Variants in FER observed in about 807,000 individuals in gnomAD.
The protein encoded by FER is tyrosine-protein kinase Fer.
FER carries 63 observed loss-of-function variants against 111.0 expected under a neutral mutation model. That is an observed-to-expected ratio of 0.57 (90% CI 0.46 to 0.70). The LOEUF is 0.70. Ranked by LOEUF, FER falls within the 30% of genes least tolerant of loss-of-function variation. The pLI is 0.00. For missense variants in FER, 914 were observed against 954.0 expected (o/e 0.96, Z 0.55); for synonymous variants, 327 against 313.9 (o/e 1.04, Z -0.44).
At chr5:108,771,030 G>A (rs1401871268) in intron 2 of FER, among the ~76,000 whole-genome samples, 1 of 151,174 alleles carries the variant, frequency 6.6e-6, no homozygotes, top group African/African-American at 2.4e-5. Context: ...TCTGCCTCCC[G>A]GGTTCAAGCA....
intron 10 of FER, among the ~76,000 whole-genome samples, chr5:108,908,722 A>G (rs1212247316): frequency 1.5e-5 from 2 of 134,814 alleles, no homozygotes; most frequent in Non-Finnish European, 3.0e-5. Flanking sequence ...CTCCGTCTCA[A>G]AAAAAAAAAA....
In FER at chr5:109,117,599, A is replaced by C. The variant is rs191026843; in HGVS notation, c.2048+17080A>C. Reference sequence around the variant, plus strand: ...ATTGAATCTATAAATTACCTTGGACAGTATGGCCATTTTCACGATATTGAT... The same window carrying C: ...ATTGAATCTATAAATTACCTTGGACCGTATGGCCATTTTCACGATATTGAT... On this transcript the variant is annotated intron_variant, in intron 17 of 19. Transcript: ENST00000281092. 2.5e-4 allele frequency among the ~76,000 whole-genome samples: 38 copies of C among 152,248 alleles called. 1 individual carries two copies. In the East Asian group the frequency reaches 5.6e-3, roughly 22 times the overall value.
intron 2 of FER, among the ~76,000 whole-genome samples, chr5:108,789,368 T>C (rs1351927374): frequency 6.6e-6 from 1 of 152,014 alleles, no homozygotes; most frequent in East Asian, 1.9e-4. Flanking sequence ...TTTAACTGTA[T>C]CTCATACTCA....
chr5:109,036,624 C>G (rs1405159396), intron 13 of FER, among the ~76,000 whole-genome samples: 1 of 151,928 alleles, frequency 6.6e-6, no homozygotes, highest in Admixed American at 6.6e-5. Context: ...CTTCCTACTC[C>G]CCTCCTTTTT....
chr5:109,142,130 G>C (rs1753589002), intron 17 of FER, among the ~76,000 whole-genome samples: 1 of 152,128 alleles, frequency 6.6e-6, no homozygotes, highest in Admixed American at 6.6e-5. Flanking sequence ...TCATTTAAGA[G>C]GGTGAAGATA....
chr5:108,779,148 C>T (rs1275988969), intron 2 of FER, among the ~76,000 whole-genome samples: 1 of 151,964 alleles, frequency 6.6e-6, no homozygotes, highest in East Asian at 1.9e-4. Context: ...ACTCTCTATT[C>T]TGTTCTATCG....
Position 108,834,812 on chromosome 5 carries a change from T to G in FER, c.382-896T>G, listed in dbSNP as rs1024639667. ...TGATTTGAACTCATTTATATTTATA[T>G]TTTTTGTTTATTCACACAGTGTCAT... On this transcript the variant is annotated intron_variant, in intron 4 of 19. Transcript: ENST00000281092. Among the ~76,000 whole-genome samples the G allele has an allele frequency of 3.3e-5, 5 of 152,294 alleles. 1 individual carries two copies. In the Middle Eastern group the frequency reaches 0.014, roughly 414 times the overall value.
In FER at chr5:109,043,755, G is replaced by A. The variant is rs191130204; in HGVS notation, c.1714-925G>A. 6.9e-3 allele frequency among the ~76,000 whole-genome samples: 1,051 copies of A among 152,198 alleles called. 6 individuals are homozygous for A. The highest frequency in any genetic ancestry group is 0.012 in the Non-Finnish European group (792 of 67,992). ...TGGAAGGCCAAGGCAGGCGGATCAC[G>A]AGGTCAAGAGATCGAGACCATCCTG... On this transcript the variant is annotated intron_variant, in intron 14 of 19. Coordinates refer to ENST00000281092, the MANE Select transcript of FER (RefSeq NM_005246.4).
chr5:109,064,766 TTTCTGTTATTTGAAG>T (rs1392516724), intron 16 of FER, among the ~76,000 whole-genome samples: 1 of 152,192 alleles, frequency 6.6e-6, no homozygotes, highest in Admixed American at 6.5e-5. Context: ...TTTAAATGAC[TTTCTGTTATTTGAAG>T]TTCCTTCACA....
At chr5:109,010,493 C>T (rs1356141840) in intron 13 of FER, among the ~76,000 whole-genome samples, 1 of 152,022 alleles carries the variant, frequency 6.6e-6, no homozygotes, top group Non-Finnish European at 1.5e-5. Flanking sequence ...TGTTCCTGTT[C>T]TCTTACCAGT....
intron 2 of FER, among the ~76,000 whole-genome samples, chr5:108,774,600 T>C (rs1300162285): frequency 1.3e-5 from 2 of 152,316 alleles, no homozygotes; most frequent in East Asian, 3.9e-4. Flanking sequence ...ACCATTGTGA[T>C]TGGCATGAGA....
At chr5:108,917,809 T>C (rs1358350823) in intron 10 of FER, among the ~76,000 whole-genome samples, 4 of 152,250 alleles carry the variant, frequency 2.6e-5, no homozygotes, top group Non-Finnish European at 5.9e-5. Context: ...AGGAGCATGA[T>C]GTCACCAACT....
At chr5:109,097,101 G>C (rs572371031) in intron 16 of FER, among the ~76,000 whole-genome samples, 2 of 151,374 alleles carry the variant, frequency 1.3e-5, no homozygotes, top group African/African-American at 4.8e-5. Flanking sequence ...CTTCAAAGCC[G>C]TCTTGAGAAA....
chr5:109,095,773 A>G (rs1242143916), intron 16 of FER, among the ~76,000 whole-genome samples: 1 of 152,140 alleles, frequency 6.6e-6, no homozygotes, highest in Non-Finnish European at 1.5e-5. Flanking sequence ...GAATAATGAC[A>G]TAAATGGACC....
At chr5:109,163,879 G>A (rs543707591) in intron 17 of FER, among the ~76,000 whole-genome samples, 1 of 152,216 alleles carries the variant, frequency 6.6e-6, no homozygotes, top group South Asian at 2.1e-4. Flanking sequence ...GTCTGATAGG[G>A]TTTTAGACAA....
At chr5:108,870,709 A>G (rs1166519957) in intron 6 of FER, among the ~76,000 whole-genome samples, 1 of 152,158 alleles carries the variant, frequency 6.6e-6, no homozygotes, top group Non-Finnish European at 1.5e-5. Context: ...GTCTGTCTAC[A>G]CTTGCTGTTG....
chr5:108,847,955 A>G (rs1762179218), intron 5 of FER, among the ~76,000 whole-genome samples: 2 of 152,066 alleles, frequency 1.3e-5, no homozygotes, highest in African/African-American at 4.8e-5. Context: ...TGGTGCGATC[A>G]TAGCTCGCTG....
chr5:109,133,755 T>C (rs1752609595), intron 17 of FER, among the ~76,000 whole-genome samples: 1 of 152,162 alleles, frequency 6.6e-6, no homozygotes. Flanking sequence ...GTATTTCCCA[T>C]GAGTCAACTA....
intron 9 of FER, among the ~76,000 whole-genome samples, chr5:108,891,734 A>T (rs1192313605): frequency 3.3e-5 from 5 of 150,660 alleles, no homozygotes; most frequent in Admixed American, 2.0e-4. Flanking sequence ...TTACATATGT[A>T]TACATGTGCC....
Sources: gnomAD v4.1 joint callset for allele counts (sites outside exome capture counted in the v4.1 genomes callset) on GRCh38, gnomAD v4.1.1 for gene constraint, MANE v1.5 for transcripts, NCBI Gene and HGNC (gene_info 2026-07-23, HGNC 2026-07-21) for gene names.